ATP8B1: variants seen among roughly 807,000 people sequenced by gnomAD.
The protein encoded by ATP8B1 is phospholipid-transporting ATPase IC.
Under a neutral mutation model 149.9 loss-of-function variants are expected in ATP8B1, and 80 were observed. The observed-to-expected ratio is 0.53, with a 90% CI of 0.45 to 0.64. The LOEUF (loss-of-function observed/expected upper bound fraction) is 0.64, where lower values mean the gene tolerates loss of function less well. ATP8B1 is among the 30% of genes least tolerant of loss of function. ATP8B1 has a pLI of 0.00. For synonymous variants in ATP8B1, 536 were observed against 562.8 expected, an observed-to-expected ratio of 0.95 and a Z score of 0.67; for missense variants, 1,247 against 1,552.6, an observed-to-expected ratio of 0.80 and a Z score of 3.31.
intron 2 of ATP8B1, among the ~76,000 whole-genome samples, chr18:57,717,746 T>A (rs1471024070): frequency 6.6e-6 from 1 of 151,430 alleles, no homozygotes; most frequent in Non-Finnish European, 1.5e-5. Flanking sequence ...TGGTTTGGTT[T>A]TTTTTTGGAG....
At position 57,736,453 on chromosome 18, in the gene ATP8B1, G is replaced by GTTTTTTT. The variant is rs71171079; in HGVS notation, c.-25-4628_-25-4622dup. Reference sequence around the variant, plus strand: ...TTTCTTCTAGTATAAAGTTTTACTAGTTTTTTTTTTTTTTTTTTTTTTTTG... The same window carrying GTTTTTTT: ...TTTCTTCTAGTATAAAGTTTTACTAGTTTTTTTTTTTTTTTTTTTTTTTTTTTTTTTG... On this transcript the variant is annotated intron_variant, in intron 1 of 27. Coordinates refer to ENST00000648908, the MANE Select transcript of ATP8B1 (RefSeq NM_001374385.1). Among the ~76,000 whole-genome samples, 11 of 70,140 alleles carry GTTTTTTT rather than the reference G, an allele frequency of 1.6e-4. 5 individuals are homozygous for GTTTTTTT. The highest frequency in any genetic ancestry group is 8.0e-5 in the Non-Finnish European group (3 of 37,392). The allele number at this position is 70,140 out of a possible 152,430, so 46.0% of individuals were successfully genotyped here.
At position 57,672,926 on chromosome 18, in the gene ATP8B1, A is replaced by G. The variant is rs1568189370; in HGVS notation, c.1820-1346T>C. Among the ~76,000 whole-genome samples, 52 of 46,606 alleles carry G rather than the reference A, an allele frequency of 1.1e-3. 5 individuals carry two copies. The East Asian group carries it at 0.056, about 51-fold the overall frequency. The allele number at this position is 46,606 out of a possible 152,430, so 30.6% of individuals were successfully genotyped here. ...TATATATATATATATATATATATAT[A>G]TATATAACATGTATATACACATATA... On this transcript the variant is annotated intron_variant, in intron 16 of 27. Coordinates refer to ENST00000648908, the MANE Select transcript of ATP8B1 (RefSeq NM_001374385.1).
At chr18:57,696,785 GAAT>G (rs1381819281) in intron 8 of ATP8B1, among the ~76,000 whole-genome samples, 1 of 152,166 alleles carries the variant, frequency 6.6e-6, no homozygotes, top group East Asian at 1.9e-4. Context: ...TAATACAGAC[GAAT>G]AATATTCGTC....
chr18:57,720,834 G>C (rs1280603727), intron 2 of ATP8B1, among the ~76,000 whole-genome samples: 1 of 151,724 alleles, frequency 6.6e-6, no homozygotes, highest in Non-Finnish European at 1.5e-5. Context: ...AAATGTTAAG[G>C]GCACCCAGAG....
At chr18:57,793,959 C>T (rs1305419662) in intron 1 of ATP8B1, among the ~76,000 whole-genome samples, 2 of 152,166 alleles carry the variant, frequency 1.3e-5, no homozygotes, top group Non-Finnish European at 2.9e-5. Flanking sequence ...GAGAGAAAGC[C>T]TAAGACTGAT....
intron 1 of ATP8B1, among the ~76,000 whole-genome samples, chr18:57,766,186 G>C (rs1442861299): frequency 1.3e-5 from 2 of 151,402 alleles, no homozygotes. Flanking sequence ...TGGGATTACA[G>C]GTGCCTGCCA....
At chr18:57,668,765 T>C in intron 18 of ATP8B1, 1 of 491,022 alleles carries the variant, frequency 2.0e-6, no homozygotes, top group Non-Finnish European at 3.6e-6. Context: ...ACTATTTAAT[T>C]TACCAAGACA....
intron 2 of ATP8B1, among the ~76,000 whole-genome samples, chr18:57,715,217 C>T (rs764792670): frequency 1.4e-4 from 21 of 151,946 alleles, no homozygotes; most frequent in East Asian, 1.4e-3. Flanking sequence ...AAAATGCAAC[C>T]GACATACTGA....
In ATP8B1 at chr18:57,648,495, T is replaced by C. The variant is rs1364091457; in HGVS notation, c.3749A>G (p.Asp1250Gly). 15 of 1,611,134 alleles carry C rather than the reference T, an allele frequency of 9.3e-6. No homozygotes were observed. Among genetic ancestry groups the C allele is most frequent in the African/African-American group, 2.7e-5 (2 of 74,886 alleles). Residue 1250 changes from aspartate (D) to glycine (G), a missense_variant, in exon 28 of 28, where the codon GAC becomes GGC. Physicochemically the swap from Asp to Gly is moderately conservative, Grantham distance 94 (BLOSUM62 -1). Transcript: ENST00000648908. ...DGTAEYRRTG[D>G]S ...CAGCCTGGGGGTAAGGGATCAGCTG[T>C]CCCCGGTGCGCCTGTACTCCGCGGT...
chr18:57,725,592 A>C (rs2079698423), intron 2 of ATP8B1, among the ~76,000 whole-genome samples: 1 of 152,224 alleles, frequency 6.6e-6, no homozygotes, highest in African/African-American at 2.4e-5. Context: ...AAGCCAAAAG[A>C]ACAGAACTGT....
chr18:57,684,816 T>G (rs1339992020), intron 14 of ATP8B1, among the ~76,000 whole-genome samples: 1 of 152,096 alleles, frequency 6.6e-6, no homozygotes, highest in Non-Finnish European at 1.5e-5. Context: ...ATCCAATGAT[T>G]GGTATCCTTA....
intron 26 of ATP8B1, among the ~76,000 whole-genome samples, chr18:57,650,855 A>T (rs759850448): frequency 1.3e-5 from 2 of 152,052 alleles, no homozygotes; most frequent in Non-Finnish European, 2.9e-5. Flanking sequence ...AAAATAAAAT[A>T]AAAAAAAGAA....
At chr18:57,688,867 G>A (rs913030276) in intron 12 of ATP8B1, among the ~76,000 whole-genome samples, 14 of 152,152 alleles carry the variant, frequency 9.2e-5, no homozygotes, top group African/African-American at 1.9e-4. Flanking sequence ...TGAATCTGCC[G>A]ATGCTTTGAT....
intron 2 of ATP8B1, among the ~76,000 whole-genome samples, chr18:57,712,424 T>G (rs949702426): frequency 2.0e-4 from 31 of 152,136 alleles, no homozygotes; most frequent in African/African-American, 7.5e-4. Context: ...CAGGCTGAAC[T>G]CAGCTGATGC....
At chr18:57,664,875 C>T (rs546212207) in intron 20 of ATP8B1, among the ~76,000 whole-genome samples, 1 of 152,286 alleles carries the variant, frequency 6.6e-6, no homozygotes, top group South Asian at 2.1e-4. Context: ...TGGCTCAGGA[C>T]TCTTACTATT....
At chr18:57,713,157 C>CTCTTTCTTTCTTTCTTTCTTTCTTT (rs1913768539) in intron 2 of ATP8B1, among the ~76,000 whole-genome samples, 5 of 92,084 alleles carry the variant, frequency 5.4e-5, no homozygotes, top group African/African-American at 1.9e-4. Flanking sequence ...CTTGATCTTT[C>CTCTTTCTTTCTTTCTTTCTTTCTTT]TCTTTCTTTC....
chr18:57,654,212 G>T, intron 23 of ATP8B1, 137 bp from the exon 24 acceptor site: 2 of 820,492 alleles, frequency 2.4e-6, no homozygotes, highest in African/African-American at 1.7e-5. Context: ...TTGCTATGTT[G>T]CCTAGGCTGG....
intron 2 of ATP8B1, among the ~76,000 whole-genome samples, chr18:57,723,183 T>C (rs2079666237): frequency 6.8e-6 from 1 of 148,134 alleles, no homozygotes; most frequent in Non-Finnish European, 1.5e-5. Flanking sequence ...CTTTGAAAAC[T>C]GGCACAAGTC....
In ATP8B1 at chr18:57,731,706, A is replaced by G. The variant is rs1453424316; in HGVS notation, c.102T>C (p.Asp34=). 3 of 1,614,158 alleles carry G rather than the reference A, an allele frequency of 1.9e-6. No individual in the cohort carries two copies. Among genetic ancestry groups the G allele is most frequent in the Non-Finnish European group, 8.5e-7 (1 of 1,180,034 alleles). The stretch of plus-strand genomic sequence containing the variant: ...CTGGTTCAACAGCAGACCCCTGGTC[A>G]TCAAGTTCATCTTCTGTTTCATCAT... ...YSDDETEDEL[D]DQGSAVEPEQ... is the part of the protein sequence containing the mutation. The change falls in exon 2 of 28, where the codon GAT becomes GAC. Residue 34 remains aspartate (D), a synonymous_variant. Coordinates refer to ENST00000648908, the MANE Select transcript of ATP8B1 (RefSeq NM_001374385.1).
Sources: gnomAD v4.1 joint callset for allele counts (sites outside exome capture counted in the v4.1 genomes callset) on GRCh38, gnomAD v4.1.1 for gene constraint, MANE v1.5 for transcripts, NCBI Gene and HGNC (gene_info 2026-07-23, HGNC 2026-07-21) for gene names.